The following KCNJ3 variants were observed in gnomAD, a reference collection of about 807,000 sequenced individuals.
The protein encoded by KCNJ3 is G protein-activated inward rectifier potassium channel 1.
A neutral mutation model predicts 39.2 loss-of-function variants in KCNJ3; 4 were observed. That is an observed-to-expected ratio of 0.10 (90% CI 0.05 to 0.23). The LOEUF is 0.23. KCNJ3 is among the 10% of genes least tolerant of loss of function. KCNJ3 has a pLI of 1.00. For synonymous variants in KCNJ3, 230 were observed against 237.4 expected, an observed-to-expected ratio of 0.97 and a Z score of 0.29; for missense variants, 276 against 634.9, an observed-to-expected ratio of 0.43 and a Z score of 6.08.
chr2:154,736,489 A>G (rs1685533498), intron 2 of KCNJ3, among the ~76,000 whole-genome samples: 1 of 151,768 alleles, frequency 6.6e-6, no homozygotes, highest in Non-Finnish European at 1.5e-5. Flanking sequence ...TGCTAAAACA[A>G]CAAAAACAAA....
chr2:154,808,353 T>C (rs1686951717), intron 2 of KCNJ3, among the ~76,000 whole-genome samples: 1 of 151,820 alleles, frequency 6.6e-6, no homozygotes, highest in South Asian at 2.1e-4. Flanking sequence ...AGTGCTGGGA[T>C]TACAGGGGTG....
chr2:154,744,613 T>A (rs1343626543), intron 2 of KCNJ3, among the ~76,000 whole-genome samples: 1 of 151,794 alleles, frequency 6.6e-6, no homozygotes, highest in Non-Finnish European at 1.5e-5. Flanking sequence ...ATATGTAGAG[T>A]TGTATATTGT....
chr2:154,755,287 G>A (rs7582616), intron 2 of KCNJ3, among the ~76,000 whole-genome samples: 56,263 of 151,526 alleles, frequency 0.37, 11,544 homozygotes, highest in Non-Finnish European at 0.47. Flanking sequence ...TTGATTAACC[G>A]TATTTGTTTA....
At chr2:154,779,998 G>A (rs1345027593) in intron 2 of KCNJ3, among the ~76,000 whole-genome samples, 1 of 152,116 alleles carries the variant, frequency 6.6e-6, no homozygotes, top group Non-Finnish European at 1.5e-5. Context: ...AGAGAAGCAA[G>A]GACATACATT....
In KCNJ3 at chr2:154,699,567, C is replaced by A; in HGVS notation, c.702+90C>A. The A allele has an allele frequency of 2.0e-6, 3 of 1,475,876 alleles. No individual in the cohort carries two copies. The highest frequency in any genetic ancestry group is 2.7e-6 in the Non-Finnish European group (3 of 1,115,244). 91.4% of individuals were successfully genotyped at this position (1,475,876 alleles called of 1,614,324 possible). On this transcript the variant is annotated intron_variant, in intron 1 of 2. Transcript: ENST00000295101. The surrounding 1 kb of genome is among the most constrained non-coding windows in gnomAD (Gnocchi z 6.4). Reference sequence around the variant, plus strand: ...TCTGAGAACCAGCCCGGGCCCCCTCCCCTGGTTCTACCTATAGCCACAGGT... The same window carrying A: ...TCTGAGAACCAGCCCGGGCCCCCTCACCTGGTTCTACCTATAGCCACAGGT...
At chr2:154,818,742 A>G (rs886704014) in intron 2 of KCNJ3, among the ~76,000 whole-genome samples, 1 of 152,118 alleles carries the variant, frequency 6.6e-6, no homozygotes, top group African/African-American at 2.4e-5. Flanking sequence ...TTAAGAAACT[A>G]TTGTTTTCTT....
intron 2 of KCNJ3, among the ~76,000 whole-genome samples, chr2:154,777,432 G>GA (rs925527720): frequency 5.9e-5 from 9 of 152,256 alleles, no homozygotes; most frequent in African/African-American, 2.2e-4. Flanking sequence ...TACTGACCCA[G>GA]AGCAAACCAA....
At chr2:154,841,108 A>G (rs1229071517) in intron 2 of KCNJ3, among the ~76,000 whole-genome samples, 1 of 152,192 alleles carries the variant, frequency 6.6e-6, no homozygotes, top group Non-Finnish European at 1.5e-5. Context: ...GATACATTCC[A>G]TCGATACCTA....
intron 2 of KCNJ3, among the ~76,000 whole-genome samples, chr2:154,772,352 A>G (rs1686257691): frequency 1.3e-5 from 2 of 152,124 alleles, no homozygotes; most frequent in Non-Finnish European, 2.9e-5. Context: ...AAGAGAGAGA[A>G]CAAGAGATAA....
intron 2 of KCNJ3, among the ~76,000 whole-genome samples, chr2:154,727,001 TG>T (rs1200273106): frequency 6.6e-6 from 1 of 151,884 alleles, no homozygotes; most frequent in Non-Finnish European, 1.5e-5. Context: ...CAGTGGACTT[TG>T]GGGACTAAGA....
intron 2 of KCNJ3, among the ~76,000 whole-genome samples, chr2:154,795,081 A>G (rs1209523992): frequency 3.3e-5 from 5 of 152,082 alleles, no homozygotes; most frequent in Non-Finnish European, 7.4e-5. Context: ...AGGAATCTTC[A>G]TCAAGGAAAA....
At chr2:154,760,735 C>CTTTTT (rs887796000) in intron 2 of KCNJ3, among the ~76,000 whole-genome samples, 7 of 127,748 alleles carry the variant, frequency 5.5e-5, no homozygotes, top group African/African-American at 9.0e-5. Flanking sequence ...TCTTTTTTTT[C>CTTTTT]TTTTTTTTTT....
chr2:154,718,136 A>G (rs973214788), intron 2 of KCNJ3, among the ~76,000 whole-genome samples: 90 of 152,318 alleles, frequency 5.9e-4, no homozygotes, highest in African/African-American at 2.1e-3. Flanking sequence ...GGATTTGTAT[A>G]GATTGGACAT....
intron 2 of KCNJ3, among the ~76,000 whole-genome samples, chr2:154,742,910 T>G (rs1685676370): frequency 6.6e-6 from 1 of 151,898 alleles, no homozygotes. Flanking sequence ...TTAGTTATCT[T>G]TACCTTTTGT....
intron 2 of KCNJ3, among the ~76,000 whole-genome samples, chr2:154,820,436 G>A (rs78679321): frequency 6.6e-6 from 1 of 152,190 alleles, no homozygotes; most frequent in Non-Finnish European, 1.5e-5. Flanking sequence ...AGGTGATGCT[G>A]TGTACTTAAT....
At chr2:154,703,479 A>ATATGTGTGTG (rs372548966) in intron 1 of KCNJ3, among the ~76,000 whole-genome samples, 4 of 148,290 alleles carry the variant, frequency 2.7e-5, no homozygotes, top group African/African-American at 7.4e-5. Context: ...CTCCATATAT[A>ATATGTGTGTG]TGTGTGTGTG....
chr2:154,769,059 T>C (rs1558869303), intron 2 of KCNJ3, among the ~76,000 whole-genome samples: 1 of 152,344 alleles, frequency 6.6e-6, no homozygotes, highest in East Asian at 1.9e-4. Context: ...TTTGCTGAAG[T>C]TGCTTTTCAG....
At chr2:154,842,300 A>G (rs1056696631) in intron 2 of KCNJ3, among the ~76,000 whole-genome samples, 3 of 152,216 alleles carry the variant, frequency 2.0e-5, no homozygotes, top group Non-Finnish European at 4.4e-5. Context: ...CTGTGGTCTG[A>G]GAGACAGTTT....
chr2:154,762,577 C>T (rs967233088), intron 2 of KCNJ3, among the ~76,000 whole-genome samples: 1 of 152,170 alleles, frequency 6.6e-6, no homozygotes, highest in Non-Finnish European at 1.5e-5. Flanking sequence ...CAATTCTCCT[C>T]TTGGGAACTT....
Sources: gnomAD v4.1 joint callset for allele counts (sites outside exome capture counted in the v4.1 genomes callset) on GRCh38, gnomAD v4.1.1 for gene constraint, Gnocchi (gnomAD v3.1) non-coding constraint, MANE v1.5 for transcripts, NCBI Gene and HGNC (gene_info 2026-07-23, HGNC 2026-07-21) for gene names.